ZNF385B: variants seen among roughly 807,000 people sequenced by gnomAD.
ZNF385B encodes the protein zinc finger protein 533.
In ZNF385B, 23 loss-of-function variants were observed where a neutral mutation model predicts 39.2. The observed-to-expected ratio is 0.59, with a 90% CI of 0.42 to 0.83. The LOEUF is 0.83. Ranked by LOEUF, ZNF385B falls within the 40% of genes least tolerant of loss-of-function variation. The pLI is 0.00. For missense variants in ZNF385B, 552 were observed against 598.9 expected, an observed-to-expected ratio of 0.92 and a Z score of 0.82; for synonymous variants, 205 against 222.6, an observed-to-expected ratio of 0.92 and a Z score of 0.70.
chr2:179,444,437 C>A (rs13007349), intron 9 of ZNF385B, among the ~76,000 whole-genome samples: 2 of 152,158 alleles, frequency 1.3e-5, no homozygotes, highest in South Asian at 4.2e-4. Context: ...AGAGAGCACA[C>A]GATACAGACA....
At chr2:179,747,155 C>G (rs16866975) in intron 3 of ZNF385B, among the ~76,000 whole-genome samples, 1,923 of 152,186 alleles carry the variant, frequency 0.013, 38 homozygotes, top group African/African-American at 0.044. Context: ...TTAGAAGTGT[C>G]TACAATATGA....
intron 5 of ZNF385B, among the ~76,000 whole-genome samples, chr2:179,488,370 T>C (rs552365902): frequency 6.6e-6 from 1 of 152,286 alleles, no homozygotes; most frequent in African/African-American, 2.4e-5. Flanking sequence ...GGTCTCTATC[T>C]CCTGACCTCG....
chr2:179,685,037 T>C (rs1256172249), intron 3 of ZNF385B, among the ~76,000 whole-genome samples: 1 of 152,234 alleles, frequency 6.6e-6, no homozygotes, highest in Non-Finnish European at 1.5e-5. Context: ...CCTTATACTA[T>C]AATTTTCCCC....
At chr2:179,711,894 T>C (rs1000082665) in intron 3 of ZNF385B, among the ~76,000 whole-genome samples, 1 of 149,968 alleles carries the variant, frequency 6.7e-6, no homozygotes, top group East Asian at 2.0e-4. Flanking sequence ...TTTTTTTTTT[T>C]TTTTTTTTTT....
At chr2:179,845,348 T>C (rs1223001370) in intron 1 of ZNF385B, among the ~76,000 whole-genome samples, 2 of 152,130 alleles carry the variant, frequency 1.3e-5, no homozygotes, top group African/African-American at 4.8e-5. Flanking sequence ...ACCAGTGATA[T>C]ACAATGTGGC....
intron 3 of ZNF385B, among the ~76,000 whole-genome samples, chr2:179,730,907 T>C (rs1255799728): frequency 6.6e-6 from 1 of 152,216 alleles, no homozygotes; most frequent in Non-Finnish European, 1.5e-5. Context: ...GACCAGCATA[T>C]TCTAAAGCAA....
chr2:179,728,054 C>G (rs1476599615), intron 3 of ZNF385B, among the ~76,000 whole-genome samples: 2 of 152,068 alleles, frequency 1.3e-5, no homozygotes, highest in African/African-American at 4.8e-5. Context: ...AGCTCATTCC[C>G]ATTCCCAGAG....
At chr2:179,820,532 A>AT (rs1412329201) in intron 1 of ZNF385B, among the ~76,000 whole-genome samples, 1 of 151,804 alleles carries the variant, frequency 6.6e-6, no homozygotes, top group Non-Finnish European at 1.5e-5. Context: ...AGTTCTGTTT[A>AT]TTGGTATTAC....
chr2:179,706,593 C>T (rs1365550793), intron 3 of ZNF385B, among the ~76,000 whole-genome samples: 1 of 152,118 alleles, frequency 6.6e-6, no homozygotes, highest in African/African-American at 2.4e-5. Flanking sequence ...AGCTGCTGTC[C>T]TTGATGGTTG....
chr2:179,735,802 T>C (rs1364219172), intron 3 of ZNF385B, among the ~76,000 whole-genome samples: 1 of 149,404 alleles, frequency 6.7e-6, no homozygotes, highest in Non-Finnish European at 1.5e-5. Flanking sequence ...AAACACCGCA[T>C]ATTCTCACTC....
In ZNF385B at chr2:179,566,517, C is replaced by G. The variant is rs142201449; in HGVS notation, c.299-21548G>C. The stretch of plus-strand genomic sequence containing the variant: ...ATATTTTAAGACAAACTCAGAAAGC[C>G]ATAACCTGAAGCCAACTTAGTTGTG... On this transcript the variant is annotated intron_variant, in intron 3 of 9. Coordinates refer to ENST00000410066, the MANE Select transcript of ZNF385B (RefSeq NM_152520.6). Among the ~76,000 whole-genome samples, 535 of 152,284 alleles carry G rather than the reference C, an allele frequency of 3.5e-3. 3 individuals are homozygous for G. The highest frequency in any genetic ancestry group is 8.1e-3 in the South Asian group (39 of 4,822).
At chr2:179,656,998 T>C (rs1189857025) in intron 3 of ZNF385B, among the ~76,000 whole-genome samples, 1 of 152,164 alleles carries the variant, frequency 6.6e-6, no homozygotes, top group Admixed American at 6.5e-5. Flanking sequence ...AAAACGTTGA[T>C]GAACCACAAC....
At chr2:179,554,780 G>T (rs1478980070) in intron 3 of ZNF385B, among the ~76,000 whole-genome samples, 1 of 149,176 alleles carries the variant, frequency 6.7e-6, no homozygotes, top group Non-Finnish European at 1.5e-5. Context: ...AGGAATATGT[G>T]AATTACAACT....
intron 6 of ZNF385B, among the ~76,000 whole-genome samples, chr2:179,449,455 T>C (rs929905035): frequency 1.5e-4 from 23 of 152,012 alleles, no homozygotes; most frequent in Admixed American, 3.3e-4. Flanking sequence ...TATACACCAA[T>C]AACAGACAAA....
At chr2:179,452,024 C>G (rs1287139027) in intron 6 of ZNF385B, among the ~76,000 whole-genome samples, 17 of 152,106 alleles carry the variant, frequency 1.1e-4, no homozygotes, top group Non-Finnish European at 2.4e-4. Flanking sequence ...GGTTTTCTGA[C>G]TGTCCTAATT....
chr2:179,824,244 G>T (rs1218886641), intron 1 of ZNF385B, among the ~76,000 whole-genome samples: 1 of 152,216 alleles, frequency 6.6e-6, no homozygotes, highest in Non-Finnish European at 1.5e-5. Flanking sequence ...GTGGCTAAAG[G>T]GATGGGGCAC....
At chr2:179,756,582 T>C (rs1703037353) in intron 3 of ZNF385B, among the ~76,000 whole-genome samples, 1 of 152,240 alleles carries the variant, frequency 6.6e-6, no homozygotes, top group African/African-American at 2.4e-5. Context: ...GTTTTCCAAC[T>C]TGCTTCCATT....
intron 6 of ZNF385B, among the ~76,000 whole-genome samples, chr2:179,478,324 T>C (rs569508397): frequency 6.6e-6 from 1 of 152,242 alleles, no homozygotes; most frequent in Non-Finnish European, 1.5e-5. Context: ...GTTGCACCCA[T>C]ATGTACTATG....
chr2:179,803,714 G>C (rs148775590), intron 1 of ZNF385B, among the ~76,000 whole-genome samples: 204 of 152,150 alleles, frequency 1.3e-3, no homozygotes, highest in African/African-American at 4.2e-3. Context: ...CCCTGGACTA[G>C]AGTCTATAAA....
Sources: allele counts gnomAD v4.1 joint callset (sites outside exome capture counted in the v4.1 genomes callset), GRCh38; gene constraint gnomAD v4.1.1; transcripts MANE v1.5; gene names NCBI Gene and HGNC (gene_info 2026-07-23, HGNC 2026-07-21).